The following SLC24A3 variants were observed in gnomAD, a reference collection of about 807,000 sequenced individuals.
SLC24A3 encodes the protein sodium/potassium/calcium exchanger 3.
SLC24A3 carries 28 observed loss-of-function variants against 75.8 expected under a neutral mutation model. That is an observed-to-expected ratio of 0.37 (90% CI 0.27 to 0.51). SLC24A3 has a LOEUF of 0.51. Ranked by LOEUF, SLC24A3 falls within the 20% of genes least tolerant of loss-of-function variation. SLC24A3 has a pLI of 0.94. For missense variants in SLC24A3, 663 were observed against 847.8 expected (o/e 0.78, Z 2.71); for synonymous variants, 372 against 334.1 (o/e 1.11, Z -1.24).
At chr20:19,539,363 C>T (rs1391870440) in intron 3 of SLC24A3, among the ~76,000 whole-genome samples, 1 of 152,108 alleles carries the variant, frequency 6.6e-6, no homozygotes, top group Non-Finnish European at 1.5e-5. Context: ...TGGATTTCAG[C>T]TGGGGGCAGG....
chr20:19,638,872 T>C (rs6081692), intron 6 of SLC24A3, among the ~76,000 whole-genome samples: 95,353 of 151,870 alleles, frequency 0.63, 30,625 homozygotes, highest in African/African-American at 0.71. Flanking sequence ...GGCTTGCTGG[T>C]TTCAGGAGTG....
chr20:19,377,100 A>G (rs1986096494), intron 2 of SLC24A3, among the ~76,000 whole-genome samples: 1 of 152,146 alleles, frequency 6.6e-6, no homozygotes, highest in South Asian at 2.1e-4. Flanking sequence ...ATTATTTATT[A>G]GTTGGAGTGT....
chr20:19,369,595 T>C (rs1346808814), intron 2 of SLC24A3, among the ~76,000 whole-genome samples: 1 of 152,110 alleles, frequency 6.6e-6, no homozygotes, highest in Non-Finnish European at 1.5e-5. Context: ...CTTGTGAATT[T>C]CCATTTTTTT....
At chr20:19,335,532 CAGATAA>C (rs1255519441) in intron 2 of SLC24A3, among the ~76,000 whole-genome samples, 1 of 152,082 alleles carries the variant, frequency 6.6e-6, no homozygotes, top group Admixed American at 6.5e-5. Flanking sequence ...TGACTTAGCC[CAGATAA>C]AGGCTGCTCA....
intron 9 of SLC24A3, 123 bp from the exon 10 acceptor site, chr20:19,681,735 A>G: frequency 6.7e-7 from 1 of 1,485,512 alleles, no homozygotes; most frequent in Non-Finnish European, 9.2e-7. Flanking sequence ...TAGAACACTA[A>G]TAACTTGAGG....
chr20:19,350,542 C>G (rs1985543448), intron 2 of SLC24A3, among the ~76,000 whole-genome samples: 1 of 152,206 alleles, frequency 6.6e-6, no homozygotes, highest in Non-Finnish European at 1.5e-5. Context: ...GTGTTGCTGT[C>G]TCTTTGCCAC....
At chr20:19,460,020 G>A (rs1490008108) in intron 2 of SLC24A3, among the ~76,000 whole-genome samples, 1 of 152,188 alleles carries the variant, frequency 6.6e-6, no homozygotes, top group Non-Finnish European at 1.5e-5. Flanking sequence ...TGATACTGCT[G>A]GCCCGTGGAA....
chr20:19,268,688 G>T (rs1027608957), intron 1 of SLC24A3, among the ~76,000 whole-genome samples: 5 of 152,078 alleles, frequency 3.3e-5, no homozygotes, highest in African/African-American at 9.7e-5. Context: ...GTGATTTCTT[G>T]GTCAACTTGA....
intron 2 of SLC24A3, among the ~76,000 whole-genome samples, chr20:19,425,778 AT>A (rs11477332): frequency 0.51 from 76,743 of 151,876 alleles, 19,792 homozygotes; most frequent in East Asian, 0.9. Context: ...CCTGGGATTC[AT>A]TTTTTTATTC....
chr20:19,328,870 G>A (rs568318559), intron 2 of SLC24A3, among the ~76,000 whole-genome samples: 3 of 152,330 alleles, frequency 2.0e-5, no homozygotes, highest in East Asian at 1.9e-4. Flanking sequence ...AGGAGCAAGC[G>A]TAAGCAGAGA....
At chr20:19,664,197 T>G (rs938182157) in intron 7 of SLC24A3, among the ~76,000 whole-genome samples, 2 of 152,242 alleles carry the variant, frequency 1.3e-5, no homozygotes, top group Non-Finnish European at 2.9e-5. Context: ...CTTAAATAAT[T>G]TGATCTGCTC....
At chr20:19,418,642 G>A (rs1986865273) in intron 2 of SLC24A3, among the ~76,000 whole-genome samples, 1 of 151,508 alleles carries the variant, frequency 6.6e-6, no homozygotes, top group African/African-American at 2.4e-5. Flanking sequence ...GGCTCATTGA[G>A]TGCCCATCAC....
intron 6 of SLC24A3, among the ~76,000 whole-genome samples, chr20:19,628,140 G>T (rs1375327255): frequency 1.4e-5 from 2 of 144,866 alleles, no homozygotes; most frequent in Non-Finnish European, 3.0e-5. Flanking sequence ...GGAGGCGGAG[G>T]TTGCAGTGAG....
chr20:19,302,231 G>A (rs184118056), intron 2 of SLC24A3, among the ~76,000 whole-genome samples: 1 of 152,348 alleles, frequency 6.6e-6, no homozygotes, highest in African/African-American at 2.4e-5. Context: ...GCTAAGCCCT[G>A]TGTGGGCAGG....
At chr20:19,546,027 C>T (rs1220047644) in intron 3 of SLC24A3, among the ~76,000 whole-genome samples, 5 of 151,734 alleles carry the variant, frequency 3.3e-5, no homozygotes, top group South Asian at 4.2e-4. Context: ...GGCATGGTGG[C>T]GGGCACCTGT....
chr20:19,260,238 A>G (rs942248813), intron 1 of SLC24A3, among the ~76,000 whole-genome samples: 3 of 152,216 alleles, frequency 2.0e-5, no homozygotes, highest in African/African-American at 7.2e-5. Flanking sequence ...TGCAGAGATA[A>G]CAGGTAGCCT....
At position 19,382,763 on chromosome 20, in the gene SLC24A3, A is replaced by G. The variant is rs544735677; in HGVS notation, c.271+101676A>G. 3.9e-5 allele frequency among the ~76,000 whole-genome samples: 6 copies of G among 152,218 alleles called. No individual in the cohort carries two copies. In the South Asian group the frequency reaches 6.2e-4, roughly 16 times the overall value. ...CTCCCACCCCAAAATTAATTTGTAA[A>G]CAAACATGGCATATTGGGGTTTGAA... On this transcript the variant is annotated intron_variant, in intron 2 of 16. Coordinates refer to ENST00000328041, the MANE Select transcript of SLC24A3 (RefSeq NM_020689.4).
chr20:19,702,225 A>G (rs77225547), intron 15 of SLC24A3, among the ~76,000 whole-genome samples: 1,538 of 152,318 alleles, frequency 0.01, 11 homozygotes, highest in South Asian at 0.013. Context: ...AAAAAAATTA[A>G]ACATTATTCT....
intron 2 of SLC24A3, among the ~76,000 whole-genome samples, chr20:19,491,359 T>C (rs572785071): frequency 1.3e-5 from 2 of 152,336 alleles, no homozygotes; most frequent in African/African-American, 4.8e-5. Flanking sequence ...CAAAGATGGT[T>C]CTTTCGACAT....
Sources: gnomAD v4.1 joint callset for allele counts (sites outside exome capture counted in the v4.1 genomes callset) on GRCh38, gnomAD v4.1.1 for gene constraint, MANE v1.5 for transcripts, NCBI Gene and HGNC (gene_info 2026-07-23, HGNC 2026-07-21) for gene names.